Variants in TAS2R1 observed in about 807,000 individuals in gnomAD.
TAS2R1 encodes taste receptor type 2 member 1.
For missense variants in TAS2R1, 370 were observed against 353.4 expected, an observed-to-expected ratio of 1.05 and a Z score of -0.38; for synonymous variants, 141 against 134.2, an observed-to-expected ratio of 1.05 and a Z score of -0.35.
chr5:9,717,373 T>G (rs1734835718), upstream of TAS2R1, among the ~76,000 whole-genome samples: 1 of 151,646 alleles, frequency 6.6e-6, no homozygotes, highest in African/African-American at 2.4e-5. Flanking sequence ...TAAACTAGAA[T>G]AAGTGGAGAG....
At chr5:9,873,377 G>A in the TAS2R1 span, among the ~76,000 whole-genome samples, 2 of 151,240 alleles carry the variant, frequency 1.3e-5, no homozygotes, top group African/African-American at 4.9e-5. Flanking sequence ...CCCATATGAG[G>A]AGAGCAGAAG....
the TAS2R1 span, among the ~76,000 whole-genome samples, chr5:9,758,228 T>G: frequency 1.3e-5 from 2 of 152,178 alleles, no homozygotes; most frequent in Admixed American, 1.3e-4. Flanking sequence ...CTCTTTTAAC[T>G]GAAGAACCAT....
Position 9,630,172 on chromosome 5 carries a change from G to A in TAS2R1, c.-140C>T, listed in dbSNP as rs1561364108. On this transcript the variant is annotated 5_prime_UTR_variant, in exon 1 of 1. Coordinates refer to ENST00000382492, the MANE Select transcript of TAS2R1 (RefSeq NM_019599.3). Reference sequence around the variant, plus strand: ...AATAAAGGCATGGGGCAGGAAGGTGGTGTACATTTGTTTATGTCACTGCTT... The same window carrying A: ...AATAAAGGCATGGGGCAGGAAGGTGATGTACATTTGTTTATGTCACTGCTT... 1 of 642,978 alleles carries A rather than the reference G, an allele frequency of 1.6e-6. No homozygotes were observed. Among genetic ancestry groups the A allele is most frequent in the South Asian group, 3.2e-5 (1 of 31,508 alleles). The allele number at this position is 642,978 out of a possible 1,614,324, so 39.8% of individuals were successfully genotyped here.
At chr5:9,693,759 C>T (rs1329564825) in intron 1 of TAS2R1, among the ~76,000 whole-genome samples, 3 of 151,720 alleles carry the variant, frequency 2.0e-5, no homozygotes, top group South Asian at 2.1e-4. Context: ...GTAAGACTGC[C>T]GACTACGTTG....
At chr5:9,748,554 T>C in the TAS2R1 span, among the ~76,000 whole-genome samples, 7 of 152,070 alleles carry the variant, frequency 4.6e-5, no homozygotes, top group Non-Finnish European at 1.0e-4. Flanking sequence ...CTTTCACTCA[T>C]GGTGGAAGGT....
intron 2 of TAS2R1, among the ~76,000 whole-genome samples, chr5:9,650,029 C>A (rs982698972): frequency 6.6e-6 from 1 of 152,120 alleles, no homozygotes; most frequent in Non-Finnish European, 1.5e-5. Flanking sequence ...GTTATATAGT[C>A]TGGAATTGGC....
the TAS2R1 span, among the ~76,000 whole-genome samples, chr5:9,797,715 A>G: frequency 2.2e-4 from 33 of 152,104 alleles, no homozygotes; most frequent in African/African-American, 8.0e-4. Context: ...TGATTCTGCA[A>G]CTCATCCTTC....
chr5:9,740,081 T>G, the TAS2R1 span, among the ~76,000 whole-genome samples: 1 of 152,204 alleles, frequency 6.6e-6, no homozygotes, highest in Non-Finnish European at 1.5e-5. Flanking sequence ...TCCCCAGAGA[T>G]GTTTTCTGGT....
At chr5:9,743,247 C>A in the TAS2R1 span, among the ~76,000 whole-genome samples, 1 of 152,212 alleles carries the variant, frequency 6.6e-6, no homozygotes, top group Admixed American at 6.5e-5. Context: ...GGCTTCCCCT[C>A]TGGATGCTAA....
At chr5:9,880,078 C>T in the TAS2R1 span, among the ~76,000 whole-genome samples, 2 of 152,102 alleles carry the variant, frequency 1.3e-5, no homozygotes, top group Non-Finnish European at 2.9e-5. Context: ...AAACCCAAAC[C>T]CCATTGAAGG....
chr5:9,690,179 G>A (rs117645331), intron 1 of TAS2R1, among the ~76,000 whole-genome samples: 6 of 152,228 alleles, frequency 3.9e-5, no homozygotes, highest in East Asian at 1.9e-4. Context: ...ATGTTACCCC[G>A]CTATTAAAAG....
chr5:9,843,124 G>A, the TAS2R1 span, among the ~76,000 whole-genome samples: 1 of 152,028 alleles, frequency 6.6e-6, no homozygotes, highest in Admixed American at 6.6e-5. Context: ...CTCACTTACT[G>A]TAAATTCTCT....
chr5:9,732,604 G>A, the TAS2R1 span, among the ~76,000 whole-genome samples: 1 of 152,156 alleles, frequency 6.6e-6, no homozygotes. Flanking sequence ...CTCATTTACT[G>A]AGGTGGAGAA....
the TAS2R1 span, among the ~76,000 whole-genome samples, chr5:9,817,166 A>T: frequency 6.6e-6 from 1 of 152,228 alleles, no homozygotes; most frequent in South Asian, 2.1e-4. Flanking sequence ...CCAAAGGAAC[A>T]TGTCCGATTT....
the TAS2R1 span, among the ~76,000 whole-genome samples, chr5:9,866,753 A>T: frequency 3.3e-5 from 5 of 152,320 alleles, no homozygotes; most frequent in East Asian, 9.7e-4. Context: ...TATAATCTTA[A>T]CTTCTCAGAT....
intron 1 of TAS2R1, among the ~76,000 whole-genome samples, chr5:9,705,331 G>A (rs903965022): frequency 1.3e-5 from 2 of 152,146 alleles, no homozygotes; most frequent in Middle Eastern, 3.2e-3. Flanking sequence ...ATGCTCCTTT[G>A]TCATCTTTAA....
At chr5:9,694,554 C>T (rs1344192546) in intron 1 of TAS2R1, among the ~76,000 whole-genome samples, 1 of 152,108 alleles carries the variant, frequency 6.6e-6, no homozygotes, top group East Asian at 1.9e-4. Context: ...TTTCGTGGCC[C>T]ATCAATCTGT....
At chr5:9,822,665 G>C in the TAS2R1 span, among the ~76,000 whole-genome samples, 1 of 151,904 alleles carries the variant, frequency 6.6e-6, no homozygotes, top group Admixed American at 6.6e-5. Context: ...ATTTATTTCT[G>C]TAAAATATAT....
intron 2 of TAS2R1, among the ~76,000 whole-genome samples, chr5:9,647,268 G>A (rs1339099721): frequency 1.3e-5 from 2 of 152,124 alleles, no homozygotes; most frequent in East Asian, 3.8e-4. Context: ...CTTGACCCAA[G>A]GACTATTCAG....
Sources: allele counts gnomAD v4.1 joint callset (sites outside exome capture counted in the v4.1 genomes callset), GRCh38; gene constraint gnomAD v4.1.1; transcripts MANE v1.5; gene names NCBI Gene and HGNC (gene_info 2026-07-23, HGNC 2026-07-21).